Variants in CCDC68 observed in about 807,000 individuals in gnomAD.
CCDC68 encodes the protein coiled-coil domain-containing protein 68.
A neutral mutation model predicts 47.1 loss-of-function variants in CCDC68; 45 were observed. The observed-to-expected ratio is 0.96, with a 90% CI of 0.75 to 1.23. The LOEUF (loss-of-function observed/expected upper bound fraction) is 1.23, where lower values mean the gene tolerates loss of function less well. CCDC68 is among the 50% of genes most tolerant of loss of function. The pLI is 0.00. For missense variants in CCDC68, 353 were observed against 373.6 expected (o/e 0.94, Z 0.45); for synonymous variants, 131 against 129.5 (o/e 1.01, Z -0.08).
intron 9 of CCDC68, 95 bp from the exon 10 acceptor site, chr18:54,918,091 T>A: frequency 1.6e-6 from 1 of 611,778 alleles, no homozygotes; most frequent in Non-Finnish European, 2.8e-6. Flanking sequence ...GGTCAAAAGA[T>A]GTTCATCAAA....
chr18:54,947,111 C>T (rs1698491841), intron 1 of CCDC68, among the ~76,000 whole-genome samples: 1 of 152,194 alleles, frequency 6.6e-6, no homozygotes. Flanking sequence ...TATGGCATTA[C>T]TATCCTGGGG....
At chr18:54,923,498 C>G (rs2044096636) in intron 8 of CCDC68, among the ~76,000 whole-genome samples, 1 of 151,518 alleles carries the variant, frequency 6.6e-6, no homozygotes, top group South Asian at 2.1e-4. Flanking sequence ...TTTCTAGAAG[C>G]ACTCTTGAAA....
At chr18:54,905,942 G>A (rs1262696536) in intron 11 of CCDC68, among the ~76,000 whole-genome samples, 8 of 152,182 alleles carry the variant, frequency 5.3e-5, no homozygotes, top group African/African-American at 1.9e-4. Context: ...GATGGATCTA[G>A]GTTGCGTGCT....
intron 4 of CCDC68, among the ~76,000 whole-genome samples, chr18:54,938,810 A>G (rs56363011): frequency 2.6e-5 from 4 of 152,346 alleles, no homozygotes; most frequent in Admixed American, 6.5e-5. Context: ...TGTTCTTTCA[A>G]TTTATTTCAA....
At chr18:54,933,379 C>G (rs1417983080) in intron 7 of CCDC68, among the ~76,000 whole-genome samples, 3 of 152,288 alleles carry the variant, frequency 2.0e-5, no homozygotes, top group East Asian at 1.9e-4. Flanking sequence ...CCATGCCCAG[C>G]CTGTTCTTTT....
chr18:54,949,831 G>C (rs1204937945), intron 1 of CCDC68, among the ~76,000 whole-genome samples: 2 of 152,172 alleles, frequency 1.3e-5, no homozygotes, highest in Non-Finnish European at 2.9e-5. Flanking sequence ...TGGCTGGTTG[G>C]AGCTGGAGGC....
Position 54,948,987 on chromosome 18 carries a change from T to TTTTG in CCDC68, c.-102-3514_-102-3511dup, listed in dbSNP as rs910088648. 5.3e-5 allele frequency among the ~76,000 whole-genome samples: 8 copies of TTTTG among 152,114 alleles called. No homozygotes were observed. In the East Asian group the frequency reaches 5.8e-4, roughly 11 times the overall value. ...GGCTGGCAGGTGCCTAGAGCAGTGT[T>TTTTG]TTTGTTTGTTTGTTTGTTTTTTGAG... On this transcript the variant is annotated intron_variant, in intron 1 of 11. Coordinates refer to ENST00000591504, the MANE Select transcript of CCDC68 (RefSeq NM_025214.3).
intron 2 of CCDC68, 103 bp from the exon 3 acceptor site, chr18:54,942,906 TAG>T (rs1261359278): frequency 1.4e-6 from 1 of 694,286 alleles, no homozygotes; most frequent in Non-Finnish European, 2.6e-6. Context: ...TAGTCAAATA[TAG>T]CAGAAAAGCT....
intron 8 of CCDC68, among the ~76,000 whole-genome samples, chr18:54,924,652 A>C (rs2145461039): frequency 1.3e-5 from 2 of 152,330 alleles, no homozygotes; most frequent in East Asian, 3.9e-4. Flanking sequence ...GAAATGTGAA[A>C]AGAAATTACT....
intron 7 of CCDC68, among the ~76,000 whole-genome samples, chr18:54,931,235 T>C (rs2044255112): frequency 6.6e-6 from 1 of 152,122 alleles, no homozygotes; most frequent in South Asian, 2.1e-4. Flanking sequence ...CCATCTAGCT[T>C]GGGTTCTTTT....
rs923823151 is a variant in CCDC68, at chr18:54,943,075, T to C, written c.-12-272A>G. On this transcript the variant is annotated intron_variant, in intron 2 of 11. Transcript: ENST00000591504. ...CTTTTTATTCAGTATCATCTCAGAC[T>C]GTAAAATCTAAAATCTCAGACTGTA... 4.0e-5 allele frequency: 10 copies of C among 251,902 alleles called. No homozygotes were observed. The East Asian group carries it at 1.0e-3, about 26-fold the overall frequency. 15.6% of individuals were successfully genotyped at this position (251,902 alleles called of 1,614,324 possible).
intron 8 of CCDC68, among the ~76,000 whole-genome samples, chr18:54,926,202 G>GA (rs1468272003): frequency 6.6e-6 from 1 of 152,162 alleles, no homozygotes; most frequent in Non-Finnish European, 1.5e-5. Context: ...ATGCTGCTAT[G>GA]AAAACATACC....
At chr18:54,910,102 G>T (rs1165276363) in intron 10 of CCDC68, among the ~76,000 whole-genome samples, 1 of 152,228 alleles carries the variant, frequency 6.6e-6, no homozygotes, top group Non-Finnish European at 1.5e-5. Flanking sequence ...GAGGAAACCT[G>T]CAGGGGGCAG....
intron 11 of CCDC68, among the ~76,000 whole-genome samples, chr18:54,905,496 G>T (rs960380847): frequency 1.3e-5 from 2 of 151,202 alleles, no homozygotes; most frequent in Non-Finnish European, 2.9e-5. Flanking sequence ...TTCCCTGAGA[G>T]AATGTGTAGA....
At chr18:54,941,631 G>A (rs1786352612) in intron 3 of CCDC68, among the ~76,000 whole-genome samples, 1 of 151,954 alleles carries the variant, frequency 6.6e-6, no homozygotes, top group African/African-American at 2.4e-5. Context: ...TAATTAATCT[G>A]AACAAGTTAT....
At chr18:54,937,219 G>A (rs974048635) in intron 5 of CCDC68, 10 of 395,700 alleles carry the variant, frequency 2.5e-5, no homozygotes, top group Non-Finnish European at 3.7e-5. Flanking sequence ...ACGTCCTGCA[G>A]TGATAGTCCT....
At chr18:54,949,713 G>A (rs530736186) in intron 1 of CCDC68, among the ~76,000 whole-genome samples, 1 of 152,212 alleles carries the variant, frequency 6.6e-6, no homozygotes, top group Non-Finnish European at 1.5e-5. Flanking sequence ...TGCAGGAAAG[G>A]TCTCTTACTT....
At chr18:54,956,182 G>T (rs2044710955) in intron 1 of CCDC68, among the ~76,000 whole-genome samples, 2 of 152,154 alleles carry the variant, frequency 1.3e-5, no homozygotes, top group African/African-American at 4.8e-5. Context: ...TAGAGATGGG[G>T]TTTCACCATG....
intron 11 of CCDC68, among the ~76,000 whole-genome samples, chr18:54,905,761 G>C (rs984151622): frequency 2.6e-5 from 4 of 152,132 alleles, no homozygotes; most frequent in African/African-American, 9.7e-5. Context: ...TGGCCTGTTA[G>C]GCATAGGACT....
Sources: gnomAD v4.1 joint callset for allele counts (sites outside exome capture counted in the v4.1 genomes callset) on GRCh38, gnomAD v4.1.1 for gene constraint, MANE v1.5 for transcripts, NCBI Gene and HGNC (gene_info 2026-07-23, HGNC 2026-07-21) for gene names.